The following ANGPT2 variants were observed in gnomAD, a reference collection of about 807,000 sequenced individuals.
ANGPT2 encodes the protein angiopoietin-2.
In ANGPT2, 28 loss-of-function variants were observed where a neutral mutation model predicts 62.9. That is an observed-to-expected ratio of 0.44 (90% CI 0.33 to 0.61). The LOEUF (loss-of-function observed/expected upper bound fraction) is 0.61. Ranked by LOEUF, ANGPT2 falls within the 20% of genes least tolerant of loss-of-function variation. The pLI is 0.03. For missense variants in ANGPT2, 727 were observed against 594.9 expected, an observed-to-expected ratio of 1.22 and a Z score of -2.31; for synonymous variants, 284 against 207.8, an observed-to-expected ratio of 1.37 and a Z score of -3.15.
intron 8 of ANGPT2, among the ~76,000 whole-genome samples, chr8:6,504,241 C>T (rs1027481718): frequency 1.4e-5 from 2 of 146,322 alleles, no homozygotes; most frequent in East Asian, 4.2e-4. Context: ...TGGCGTGAAC[C>T]CGGGAGGCGG....
rs111341010 is a variant in ANGPT2 at position 6,549,594 on chromosome 8, G to A, written c.288+13053C>T. ...CCGCGTGCAGGGCGGGAAGCCTTCT[G>A]CATCTTGAGTTGGGCGGTCGTTACA... On this transcript the variant is annotated intron_variant, in intron 1 of 8. Coordinates refer to ENST00000629816, the MANE Select transcript of ANGPT2 (RefSeq NM_001118887.2). 1.4e-3 allele frequency among the ~76,000 whole-genome samples: 204 copies of A among 148,630 alleles called. 2 individuals carry two copies. The highest frequency in any genetic ancestry group is 4.5e-3 in the African/African-American group (181 of 40,200).
intron 5 of ANGPT2, among the ~76,000 whole-genome samples, chr8:6,515,289 G>C (rs144427712): frequency 1.3e-5 from 2 of 152,182 alleles, no homozygotes; most frequent in African/African-American, 4.8e-5. Flanking sequence ...TTACATTCTC[G>C]TACTGTGGGG....
chr8:6,549,436 G>A (rs1823203450), intron 1 of ANGPT2, among the ~76,000 whole-genome samples: 1 of 152,232 alleles, frequency 6.6e-6, no homozygotes, highest in South Asian at 2.1e-4. Flanking sequence ...CAGGATTGGC[G>A]TTGAGAAGAG....
In ANGPT2 at chr8:6,503,232, T is replaced by G. The variant is rs1465999704; in HGVS notation, c.1357A>C (p.Asn453His). 1 of 1,614,098 alleles carries G rather than the reference T, an allele frequency of 6.2e-7. No homozygotes were observed. Among genetic ancestry groups the G allele is most frequent in the Non-Finnish European group, 8.5e-7 (1 of 1,180,002 alleles). ...GWWFDACGPS[N>H]LNGMYYPQRQ... is the part of the protein sequence containing the mutation. Reference sequence around the variant, plus strand: ...TGTGGATAGTACATTCCGTTCAAGTTGGAAGGACCACATGCATCAAACCAC... The same window carrying G: ...TGTGGATAGTACATTCCGTTCAAGTGGGAAGGACCACATGCATCAAACCAC... The change falls in exon 9 of 9, where the codon AAC (asparagine) becomes CAC (histidine). Residue 453 changes from asparagine (N) to histidine (H), a missense_variant. Physicochemically the swap from Asn to His is moderately conservative, Grantham distance 68 (BLOSUM62 1). Coordinates refer to ENST00000629816, the MANE Select transcript of ANGPT2 (RefSeq NM_001118887.2).
At chr8:6,541,559 AGGTCCTT>A (rs1821582132) in intron 1 of ANGPT2, among the ~76,000 whole-genome samples, 1 of 152,216 alleles carries the variant, frequency 6.6e-6, no homozygotes, top group Non-Finnish European at 1.5e-5. Flanking sequence ...GACGCTCGGC[AGGTCCTT>A]GGTGGCCTCT....
intron 1 of ANGPT2, among the ~76,000 whole-genome samples, chr8:6,534,523 C>CG (rs1399447791): frequency 6.7e-6 from 1 of 148,576 alleles, no homozygotes; most frequent in Non-Finnish European, 1.5e-5. Context: ...CCCGCCTCAG[C>CG]CCCCCAAAGT....
chr8:6,561,972 A>G (rs1385566675), intron 1 of ANGPT2, among the ~76,000 whole-genome samples: 1 of 152,058 alleles, frequency 6.6e-6, no homozygotes, highest in Non-Finnish European at 1.5e-5. Context: ...CGCATTCCGC[A>G]CCGGTTGCTG....
At chr8:6,555,004 G>A (rs1435484184) in intron 1 of ANGPT2, among the ~76,000 whole-genome samples, 7 of 152,134 alleles carry the variant, frequency 4.6e-5, no homozygotes, top group Non-Finnish European at 1.0e-4. Context: ...TAGAGTCCAG[G>A]CAGTGGTAGG....
At chr8:6,513,982 C>T in intron 6 of ANGPT2, 138 bp from the exon 7 acceptor site, 4 of 813,064 alleles carry the variant, frequency 4.9e-6, no homozygotes, top group Non-Finnish European at 7.5e-6. Flanking sequence ...ATTTAGGGTC[C>T]TTCCCAAAGG....
At chr8:6,550,011 G>A (rs559461624) in intron 1 of ANGPT2, among the ~76,000 whole-genome samples, 1 of 152,204 alleles carries the variant, frequency 6.6e-6, no homozygotes, top group Non-Finnish European at 1.5e-5. Flanking sequence ...GTGATCATTC[G>A]GGGACGGGGG....
Position 6,505,348 on chromosome 8 carries a change from ATTCTTTC to A in ANGPT2, c.1328-2094_1328-2088del, listed in dbSNP as rs1375509547. 1.6e-4 allele frequency among the ~76,000 whole-genome samples: 8 copies of A among 50,184 alleles called. 2 individuals are homozygous for A. 32.9% of individuals were successfully genotyped at this position (50,184 alleles called of 152,430 possible). ...ATATACATATAGAAAGAATATATAT[ATTCTTTC>A]TATATGTATATAGAATATATATATT... On this transcript the variant is annotated intron_variant, in intron 8 of 8. Transcript: ENST00000629816.
intron 7 of ANGPT2, among the ~76,000 whole-genome samples, chr8:6,513,395 C>T (rs576319941): frequency 2.1e-4 from 32 of 150,644 alleles, no homozygotes; most frequent in African/African-American, 7.1e-4. Flanking sequence ...TGCCGTGGCA[C>T]GATCTCGGCT....
chr8:6,530,370 G>A (rs1017332555), intron 2 of ANGPT2, among the ~76,000 whole-genome samples: 2 of 152,028 alleles, frequency 1.3e-5, no homozygotes, highest in Admixed American at 6.6e-5. Flanking sequence ...TTAGCCAGGT[G>A]TGGTAGCCTG....
rs1421651617 is a variant in ANGPT2, at chr8:6,501,812, T to G, written c.*1289A>C. On this transcript the variant is annotated 3_prime_UTR_variant, in exon 9 of 9. Coordinates refer to ENST00000629816, the MANE Select transcript of ANGPT2 (RefSeq NM_001118887.2). ...CCTCAGGTGATCTGCCCACCTTGCC[T>G]ACCAATGTACTGGGATTATAGGTGT... The G allele has an allele frequency of 6.6e-6, 1 of 152,126 alleles. No homozygotes were observed. Among genetic ancestry groups the G allele is most frequent in the African/African-American group, 2.4e-5 (1 of 41,414 alleles). The allele number at this position is 152,126 out of a possible 1,614,324, so 9.4% of individuals were successfully genotyped here.
At chr8:6,529,631 T>C (rs1819070396) in intron 2 of ANGPT2, among the ~76,000 whole-genome samples, 2 of 149,046 alleles carry the variant, frequency 1.3e-5, no homozygotes, top group African/African-American at 4.9e-5. Context: ...TAATTTTTTT[T>C]TTTTTTTTTT....
chr8:6,530,020 T>A (rs913900862), intron 2 of ANGPT2, among the ~76,000 whole-genome samples: 25 of 152,128 alleles, frequency 1.6e-4, no homozygotes, highest in Non-Finnish European at 3.1e-4. Flanking sequence ...TTTATTTTTT[T>A]AAATTTTTGC....
Position 6,521,331 on chromosome 8 carries a change from G to T in ANGPT2, c.646C>A (p.Leu216Ile). ...LQSIKEEKDQ[L>I]QVLVSKQNSI... is the part of the protein sequence containing the mutation. ...TTTTGCTTGGATACTAACACCTGTA[G>T]CTGATCTTTCTCTTCTTTTATTGAC... Residue 216 changes from leucine to isoleucine, a missense_variant, in exon 4 of 9, where the codon CTA (leucine) becomes ATA (isoleucine). Coordinates refer to ENST00000629816, the MANE Select transcript of ANGPT2 (RefSeq NM_001118887.2). 6.2e-7 allele frequency: 1 copy of T among 1,613,734 alleles called. No individual in the cohort carries two copies. The highest frequency in any genetic ancestry group is 8.5e-7 in the Non-Finnish European group (1 of 1,179,922).
At position 6,518,487 on chromosome 8, in the gene ANGPT2, T is replaced by C. The variant is rs187896554; in HGVS notation, c.927+1377A>G. On this transcript the variant is annotated intron_variant, in intron 5 of 8. Transcript: ENST00000629816. ...GTTGATTTAACACAGCATTAATGAATTAGAAAGGTTTCTTTGGAAAGCATT... is the reference window on the plus strand; with the variant it reads ...GTTGATTTAACACAGCATTAATGAACTAGAAAGGTTTCTTTGGAAAGCATT... Among the ~76,000 whole-genome samples the C allele has an allele frequency of 3.9e-5, 6 of 152,300 alleles. No individual in the cohort carries two copies. The East Asian group carries it at 1.2e-3, about 29-fold the overall frequency.
At chr8:6,522,331 G>A (rs981212480) in intron 3 of ANGPT2, among the ~76,000 whole-genome samples, 3 of 151,944 alleles carry the variant, frequency 2.0e-5, no homozygotes, top group African/African-American at 7.3e-5. Context: ...CTCCAGCCTG[G>A]GCGACAGAGC....
Sources: gnomAD v4.1 joint callset for allele counts (sites outside exome capture counted in the v4.1 genomes callset) on GRCh38, gnomAD v4.1.1 for gene constraint, MANE v1.5 for transcripts, NCBI Gene and HGNC (gene_info 2026-07-23, HGNC 2026-07-21) for gene names.